The following PRDM15 variants were observed in gnomAD, a reference collection of about 807,000 sequenced individuals.
PRDM15 encodes the protein PR domain zinc finger protein 15.
In PRDM15, 64 loss-of-function variants were observed where a neutral mutation model predicts 128.6. That is an observed-to-expected ratio of 0.50 (90% CI 0.41 to 0.61). PRDM15 has a LOEUF of 0.61. Ranked by LOEUF, PRDM15 falls within the 20% of genes least tolerant of loss-of-function variation. PRDM15 has a pLI of 0.00. For missense variants in PRDM15, 1,242 were observed against 1,569.1 expected (o/e 0.79, Z 3.52); for synonymous variants, 615 against 621.8 (o/e 0.99, Z 0.16).
chr21:41,821,116 C>T lies in PRDM15; in HGVS notation c.2011G>A (p.Ala671Thr), dbSNP rs1475997458. The change falls in exon 16 of 24, where the codon GCC becomes ACC. Residue 671 changes from alanine (A) to threonine (T), a missense_variant. Ala to Thr is a moderately conservative substitution (Grantham distance 58). Coordinates refer to ENST00000398548, the MANE Select transcript of PRDM15 (RefSeq NM_001040424.3). This position sits in a 1 kb window ranked among gnomAD's most constrained non-coding sequence, Gnocchi z 5.4. ...TTTTCACGGTGGATGACCATGTGGG[C>T]GTGGTAGGTGGCCTTCAGTGCAAAG... ...RRFALKATYH[A>T]HMVIHRENLP... 3 of 1,614,214 alleles carry T rather than the reference C, an allele frequency of 1.9e-6. No homozygotes were observed. Among genetic ancestry groups the T allele is most frequent in the South Asian group, 2.2e-5 (2 of 91,080 alleles).
chr21:41,810,664 A>T lies in PRDM15; in HGVS notation c.2476+89T>A. Reference sequence around the variant, plus strand: ...TGTGCTGGAACCGTCTAGATAATAGAATAGTCGTTTCCACCCCAGCAGGCA... The same window carrying T: ...TGTGCTGGAACCGTCTAGATAATAGTATAGTCGTTTCCACCCCAGCAGGCA... On this transcript the variant is annotated intron_variant, in intron 20 of 23. Coordinates refer to ENST00000398548, the MANE Select transcript of PRDM15 (RefSeq NM_001040424.3). The surrounding 1 kb of genome is among the most constrained non-coding windows in gnomAD (Gnocchi z 6.4). The T allele has an allele frequency of 1.9e-6, 2 of 1,026,694 alleles. No homozygotes were observed. The highest frequency in any genetic ancestry group is 3.1e-6 in the Non-Finnish European group (2 of 654,014). 63.6% of individuals were successfully genotyped at this position (1,026,694 alleles called of 1,614,324 possible). A position where few individuals can be genotyped will look rare whatever the true frequency, so the allele number is the denominator to read the frequency against.
rs1601324641 is a variant in PRDM15 at position 41,839,776 on chromosome 21, C to T, written c.718G>A (p.Glu240Lys). 1.4e-5 allele frequency: 23 copies of T among 1,614,258 alleles called. No homozygotes were observed. Among genetic ancestry groups the T allele is most frequent in the Non-Finnish European group, 1.9e-5 (22 of 1,180,052 alleles). Residue 240 changes from glutamate (E) to lysine (K), a missense_variant, in exon 7 of 24, where the codon GAG (glutamate) becomes AAG (lysine). By Grantham distance (56) the Glu-to-Lys change is moderately conservative. Coordinates refer to ENST00000398548, the MANE Select transcript of PRDM15 (RefSeq NM_001040424.3). ...GGTTCCCCCCGGGGTGTGTCCTGCT[C>T]CTTCTCGGGAGCTGCTGCCTCGCTT... ...SQSEAAAPEK[E>K]QDTPRGEPPA... is the part of the protein sequence containing the mutation.
intron 21 of PRDM15, among the ~76,000 whole-genome samples, chr21:41,806,057 CCAT>C (rs1568880201): frequency 0.019 from 69 of 3,604 alleles, no homozygotes; most frequent in Middle Eastern, 0.25. Flanking sequence ...ACCACCACCA[CCAT>C]CACCATCACC....
chr21:41,845,477 G>A (rs1047653125), intron 6 of PRDM15, among the ~76,000 whole-genome samples: 4 of 151,646 alleles, frequency 2.6e-5, no homozygotes, highest in Non-Finnish European at 4.4e-5. Flanking sequence ...AGGCAGAGCC[G>A]TCACCTGGAA....
rs375103301 is a variant in PRDM15, at chr21:41,823,308, C to T, written c.1761+10G>A. 147 of 1,606,912 alleles carry T rather than the reference C, an allele frequency of 9.1e-5. No individual in the cohort carries two copies. The highest frequency in any genetic ancestry group is 4.4e-4 in the South Asian group (39 of 89,496). ...AGCATGCCTGGGTGAGGGCAGCACG[C>T]GATCGACACCTTGAAGTGGACATGG... is the stretch of plus-strand genomic sequence containing the variant. On this transcript the variant is annotated intron_variant, in intron 14 of 23. Transcript: ENST00000398548.
Position 41,862,625 on chromosome 21 carries a change from G to A in PRDM15, c.-9-2253C>T, listed in dbSNP as rs773302845. The stretch of plus-strand genomic sequence containing the variant: ...ATTAGCAGCATCTGGTCCCCAAAAT[G>A]AGGCCTCTCTAAAACGGCTCCTCTG... On this transcript the variant is annotated intron_variant, in intron 1 of 23. Coordinates refer to ENST00000398548, the MANE Select transcript of PRDM15 (RefSeq NM_001040424.3). The surrounding 1 kb of genome is among the most constrained non-coding windows in gnomAD (Gnocchi z 4.1). 9.2e-5 allele frequency among the ~76,000 whole-genome samples: 14 copies of A among 152,168 alleles called. No individual in the cohort carries two copies. The highest frequency in any genetic ancestry group is 1.9e-4 in the Non-Finnish European group (13 of 68,036).
At chr21:41,809,926 T>TAA (rs1275875672) in intron 21 of PRDM15, among the ~76,000 whole-genome samples, 5 of 152,132 alleles carry the variant, frequency 3.3e-5, no homozygotes, top group African/African-American at 9.7e-5. Flanking sequence ...AGGGAGGACG[T>TAA]AATTTATAAC....
At chr21:41,816,435 C>T (rs1284065084) in intron 18 of PRDM15, among the ~76,000 whole-genome samples, 2 of 152,236 alleles carry the variant, frequency 1.3e-5, no homozygotes, top group South Asian at 2.1e-4. Flanking sequence ...TACACCTGAC[C>T]GTGAGGCTGA....
At position 41,800,079 on chromosome 21, in the gene PRDM15, G is replaced by A. The variant is rs2061381249; in HGVS notation, c.*1161C>T. The A allele has an allele frequency of 6.6e-6, 1 of 152,226 alleles. No homozygotes were observed. The highest frequency in any genetic ancestry group is 1.5e-5 in the Non-Finnish European group (1 of 68,040). The allele number at this position is 152,226 out of a possible 1,614,324, so 9.4% of individuals were successfully genotyped here. On this transcript the variant is annotated 3_prime_UTR_variant, in exon 24 of 24. Transcript: ENST00000398548. The stretch of plus-strand genomic sequence containing the variant: ...CTCTGCTTTCATTACCACCTGGCAG[G>A]AAATAGCATTTTCTCTGTGTTTCAG...
In PRDM15 at chr21:41,879,114, T is replaced by A. The variant is rs2064543052; in HGVS notation, c.-10+156A>T. 3.7e-6 allele frequency: 4 copies of A among 1,075,932 alleles called. No homozygotes were observed. The highest frequency in any genetic ancestry group is 4.6e-6 in the Non-Finnish European group (4 of 870,804). The allele number at this position is 1,075,932 out of a possible 1,614,324, so 66.6% of individuals were successfully genotyped here. On this transcript the variant is annotated intron_variant, in intron 1 of 23. Coordinates refer to ENST00000398548, the MANE Select transcript of PRDM15 (RefSeq NM_001040424.3). The surrounding 1 kb of genome is among the most constrained non-coding windows in gnomAD (Gnocchi z 5.1). ...CGAATGTAACAAAGAACAGTCGGCATGGCGGCTGGACCGGGGCGGCGCGCG... is the reference window on the plus strand; with the variant it reads ...CGAATGTAACAAAGAACAGTCGGCAAGGCGGCTGGACCGGGGCGGCGCGCG...
In PRDM15 at chr21:41,868,284, C is replaced by T. The variant is rs551328434; in HGVS notation, c.-9-7912G>A. Among the ~76,000 whole-genome samples, 5 of 152,318 alleles carry T rather than the reference C, an allele frequency of 3.3e-5. No homozygotes were observed. In the South Asian group the frequency reaches 1.0e-3, roughly 32 times the overall value. ...CCACACGGGGCTGTTACAAATAAAG[C>T]TGTTAGGAGCAATCGTGTACAGGTT... On this transcript the variant is annotated intron_variant, in intron 1 of 23. Transcript: ENST00000398548.
At chr21:41,831,914 C>G (rs1320407408) in intron 11 of PRDM15, among the ~76,000 whole-genome samples, 2 of 152,240 alleles carry the variant, frequency 1.3e-5, no homozygotes, top group East Asian at 3.8e-4. Flanking sequence ...AGATGCTACG[C>G]TGAGTCCCAG....
At chr21:41,874,161 A>G (rs2064316410) in intron 1 of PRDM15, among the ~76,000 whole-genome samples, 1 of 146,852 alleles carries the variant, frequency 6.8e-6, no homozygotes, top group African/African-American at 2.5e-5. Flanking sequence ...TGCTTAATTT[A>G]AAAAAAAAAG....
rs2062269658 is a variant in PRDM15, at chr21:41,821,615, C to T, written c.1896+288G>A. On this transcript the variant is annotated intron_variant, in intron 15 of 23. Coordinates refer to ENST00000398548, the MANE Select transcript of PRDM15 (RefSeq NM_001040424.3). The surrounding 1 kb of genome is among the most constrained non-coding windows in gnomAD (Gnocchi z 5.4). Reference sequence around the variant, plus strand: ...ACAGCCACCTTCTAGGAGGCCGACCCCCACACTTCATGTGTGTTCCTGAAC... The same window carrying T: ...ACAGCCACCTTCTAGGAGGCCGACCTCCACACTTCATGTGTGTTCCTGAAC... 6.6e-6 allele frequency among the ~76,000 whole-genome samples: 1 copy of T among 152,158 alleles called. No individual in the cohort carries two copies. Among genetic ancestry groups the T allele is most frequent in the South Asian group, 2.1e-4 (1 of 4,822 alleles).
At chr21:41,878,380 G>A (rs528829169) in intron 1 of PRDM15, among the ~76,000 whole-genome samples, 1 of 152,328 alleles carries the variant, frequency 6.6e-6, no homozygotes, top group South Asian at 2.1e-4. Context: ...ACTACATTAG[G>A]GGGTTAAGAA....
intron 8 of PRDM15, among the ~76,000 whole-genome samples, chr21:41,837,679 ATGGTTAAAT>A (rs1396489975): frequency 3.9e-5 from 6 of 152,164 alleles, no homozygotes; most frequent in Non-Finnish European, 8.8e-5. Flanking sequence ...CATGGTTAAA[ATGGTTAAAT>A]TTATGCATAT....
intron 14 of PRDM15, among the ~76,000 whole-genome samples, chr21:41,822,259 C>T (rs959685449): frequency 1.3e-5 from 2 of 152,272 alleles, no homozygotes; most frequent in South Asian, 2.1e-4. Flanking sequence ...CCACGCCGCC[C>T]GCGGCTTCCT....
chr21:41,830,741 T>C (rs62214692), intron 11 of PRDM15, among the ~76,000 whole-genome samples: 62,415 of 151,590 alleles, frequency 0.41, 12,999 homozygotes, highest in East Asian at 0.57. Context: ...ACACAGTCCA[T>C]GAAGCTTCCA....
rs148436937 is a variant in PRDM15, at chr21:41,848,307, G to A, written c.539-1116C>T. On this transcript the variant is annotated intron_variant, in intron 5 of 23. Transcript: ENST00000398548. ...ATATAGGTTACTGCTATCACCCTGTGCATGCATGTTCTGAGTTTTCATAAG... is the reference window on the plus strand; with the variant it reads ...ATATAGGTTACTGCTATCACCCTGTACATGCATGTTCTGAGTTTTCATAAG... Among the ~76,000 whole-genome samples, 949 of 152,342 alleles carry A rather than the reference G, an allele frequency of 6.2e-3. 7 individuals are homozygous for A. Among genetic ancestry groups the A allele is most frequent in the African/African-American group, 0.019 (782 of 41,566 alleles).
Sources: gnomAD v4.1 joint callset for allele counts (sites outside exome capture counted in the v4.1 genomes callset) on GRCh38, gnomAD v4.1.1 for gene constraint, Gnocchi (gnomAD v3.1) non-coding constraint, MANE v1.5 for transcripts, NCBI Gene and HGNC (gene_info 2026-07-23, HGNC 2026-07-21) for gene names.